The following ZNF385D variants were observed in gnomAD, a reference collection of about 807,000 sequenced individuals.
The protein encoded by ZNF385D is zinc finger protein 385D, also known as zinc finger protein 659.
Under a neutral mutation model 35.8 loss-of-function variants are expected in ZNF385D, and 15 were observed. That is an observed-to-expected ratio of 0.42 (90% CI 0.28 to 0.64). ZNF385D has a LOEUF of 0.64. Among genes scored for constraint, ZNF385D ranks in the 30% least tolerant of loss-of-function variants. ZNF385D has a pLI of 0.23. For synonymous variants in ZNF385D, 212 were observed against 186.8 expected (o/e 1.13, Z -1.10); for missense variants, 474 against 494.6 (o/e 0.96, Z 0.39).
At chr3:21,594,459 A>G (rs2064072655) in intron 2 of ZNF385D, among the ~76,000 whole-genome samples, 1 of 152,186 alleles carries the variant, frequency 6.6e-6, no homozygotes, top group Non-Finnish European at 1.5e-5. Flanking sequence ...GCCAATCAAC[A>G]GAATGATTTC....
At chr3:21,731,566 T>C (rs2068996222) in intron 1 of ZNF385D, among the ~76,000 whole-genome samples, 1 of 152,224 alleles carries the variant, frequency 6.6e-6, no homozygotes, top group African/African-American at 2.4e-5. Flanking sequence ...TTGTACATTA[T>C]GTAGGTTTGG....
chr3:22,156,945 C>G (rs1384504883), intron 3 of ZNF385D, among the ~76,000 whole-genome samples: 2 of 152,100 alleles, frequency 1.3e-5, no homozygotes, highest in Admixed American at 1.3e-4. Flanking sequence ...TTTACAAGTT[C>G]CAGATCTCCC....
rs571978176 is a variant in ZNF385D, at chr3:22,164,216, C to CTTTTTTTTTTTTTTT, written c.325+4586_325+4600dup. On this transcript the variant is annotated intron_variant, in intron 3 of 5. Coordinates refer to the ZNF385D transcript ENST00000494108. ...CACTATAGGTAATACAAAAGGAGCACTTTTTTTTTTTTTTTTTTTTTTTTT... is the reference window on the plus strand; with the variant it reads ...CACTATAGGTAATACAAAAGGAGCACTTTTTTTTTTTTTTTTTTTTTTTTTTTTTTTTTTTTTTTT... Among the ~76,000 whole-genome samples, 469 of 74,944 alleles carry CTTTTTTTTTTTTTTT rather than the reference C, an allele frequency of 6.3e-3. 56 individuals carry two copies. Among genetic ancestry groups the CTTTTTTTTTTTTTTT allele is most frequent in the East Asian group, 0.017 (30 of 1,738 alleles). 49.2% of individuals were successfully genotyped at this position (74,944 alleles called of 152,430 possible).
At chr3:22,012,539 T>C (rs905994505) in intron 3 of ZNF385D, among the ~76,000 whole-genome samples, 2 of 152,098 alleles carry the variant, frequency 1.3e-5, no homozygotes, top group Non-Finnish European at 2.9e-5. Context: ...TGAATAAATA[T>C]TACCCCTAGA....
chr3:21,745,740 A>G (rs946516657), intron 1 of ZNF385D, among the ~76,000 whole-genome samples: 1 of 152,230 alleles, frequency 6.6e-6, no homozygotes, highest in African/African-American at 2.4e-5. Flanking sequence ...TCCTAGTGCA[A>G]TACAAATGGA....
intron 3 of ZNF385D, among the ~76,000 whole-genome samples, chr3:21,921,209 C>A (rs894063073): frequency 8.8e-6 from 1 of 113,492 alleles, no homozygotes; most frequent in Non-Finnish European, 1.7e-5. Flanking sequence ...GGCGACAGAG[C>A]GAGACTCCAT....
At chr3:22,257,049 A>T (rs1700354451) in intron 2 of ZNF385D, among the ~76,000 whole-genome samples, 1 of 151,886 alleles carries the variant, frequency 6.6e-6, no homozygotes, top group Admixed American at 6.6e-5. Context: ...GAGAAGATAA[A>T]AAGAAGAAAA....
chr3:21,966,965 G>C (rs73048144), intron 3 of ZNF385D, among the ~76,000 whole-genome samples: 2 of 152,124 alleles, frequency 1.3e-5, no homozygotes, highest in African/African-American at 4.8e-5. Context: ...GGATTTATGA[G>C]TTTTGTGTGT....
intron 3 of ZNF385D, among the ~76,000 whole-genome samples, chr3:22,061,572 C>T (rs1249832603): frequency 1.3e-5 from 2 of 152,160 alleles, no homozygotes; most frequent in African/African-American, 2.4e-5. Flanking sequence ...CTATGGTCTC[C>T]AAGACTCAGG....
intron 3 of ZNF385D, among the ~76,000 whole-genome samples, chr3:22,091,590 GA>G (rs36109971): frequency 1.3e-5 from 2 of 150,570 alleles, no homozygotes; most frequent in East Asian, 2.0e-4. Flanking sequence ...TACCCAGTAG[GA>G]AAAAAAAAGC....
intron 2 of ZNF385D, among the ~76,000 whole-genome samples, chr3:22,254,406 C>G (rs1304197947): frequency 1.3e-5 from 2 of 151,768 alleles, no homozygotes; most frequent in Non-Finnish European, 2.9e-5. Flanking sequence ...GAAGAAAAAA[C>G]TGACATTTAC....
chr3:22,155,429 T>A (rs1044096564), intron 3 of ZNF385D, among the ~76,000 whole-genome samples: 2 of 152,016 alleles, frequency 1.3e-5, no homozygotes, highest in African/African-American at 4.8e-5. Flanking sequence ...AAATTCTATA[T>A]GAAGGGAAGG....
intron 1 of ZNF385D, among the ~76,000 whole-genome samples, chr3:21,672,440 A>C (rs996482656): frequency 1.3e-5 from 2 of 152,098 alleles, no homozygotes; most frequent in African/African-American, 4.8e-5. Flanking sequence ...GCAAGTTGTC[A>C]GCCCTAATCC....
intron 2 of ZNF385D, among the ~76,000 whole-genome samples, chr3:21,640,869 A>C (rs1559482097): frequency 6.6e-6 from 1 of 152,138 alleles, no homozygotes; most frequent in Non-Finnish European, 1.5e-5. Flanking sequence ...CACTAACTAT[A>C]ACAATGACCT....
Position 22,041,282 on chromosome 3 carries a change from G to A in ZNF385D, c.325+127535C>T, listed in dbSNP as rs139493593. Among the ~76,000 whole-genome samples, 134 of 152,178 alleles carry A rather than the reference G, an allele frequency of 8.8e-4. 1 individual carries two copies. The highest frequency in any genetic ancestry group is 3.2e-3 in the African/African-American group (131 of 41,514). The stretch of plus-strand genomic sequence containing the variant: ...CTGAAATAGGCCATGTGTTCACATT[G>A]AACTATAGCCAGGCATCTATAGTAC... On this transcript the variant is annotated intron_variant, in intron 3 of 5. Coordinates refer to the ZNF385D transcript ENST00000494108.
At chr3:21,826,460 A>G (rs143989713) in intron 3 of ZNF385D, among the ~76,000 whole-genome samples, 19 of 152,316 alleles carry the variant, frequency 1.2e-4, no homozygotes, top group African/African-American at 4.6e-4. Context: ...GTAAGGCAAC[A>G]CAGAGGGTGA....
At chr3:22,284,873 C>A (rs963631092) in intron 2 of ZNF385D, among the ~76,000 whole-genome samples, 7 of 151,894 alleles carry the variant, frequency 4.6e-5, no homozygotes, top group Admixed American at 6.6e-5. Flanking sequence ...TTGACAGACC[C>A]AAATCATTTT....
chr3:22,249,039 A>C lies in ZNF385D; in HGVS notation c.107-80004T>G, dbSNP rs1209053300. Among the ~76,000 whole-genome samples, 4 of 152,280 alleles carry C rather than the reference A, an allele frequency of 2.6e-5. No homozygotes were observed. In the East Asian group the frequency reaches 7.7e-4, roughly 29 times the overall value. ...TTATGTGAGTGGAGAATCATTCAGA[A>C]GTGGATATTCCAGCACTGGCTGTTT... On this transcript the variant is annotated intron_variant, in intron 2 of 5. Coordinates refer to the ZNF385D transcript ENST00000494108.
At chr3:21,650,419 A>G (rs1313629263) in intron 2 of ZNF385D, among the ~76,000 whole-genome samples, 12 of 152,154 alleles carry the variant, frequency 7.9e-5, no homozygotes, top group African/African-American at 1.4e-4. Flanking sequence ...CAATTACTGT[A>G]AAGAAAGACC....
Sources: allele counts gnomAD v4.1 joint callset (sites outside exome capture counted in the v4.1 genomes callset), GRCh38; gene constraint gnomAD v4.1.1; transcripts MANE v1.5; gene names NCBI Gene and HGNC (gene_info 2026-07-23, HGNC 2026-07-21).